CDKL2: variants seen among roughly 807,000 people sequenced by gnomAD.
The protein encoded by CDKL2 is cyclin-dependent kinase-like 2.
In CDKL2, 64 loss-of-function variants were observed where a neutral mutation model predicts 63.9. The observed-to-expected ratio is 1.00, with a 90% CI of 0.82 to 1.23. The LOEUF is 1.23. Ranked by LOEUF, CDKL2 falls within the 50% of genes most tolerant of loss-of-function variation. The pLI, the probability that CDKL2 is intolerant of heterozygous loss-of-function variation, is 0.00. For synonymous variants in CDKL2, 211 were observed against 229.2 expected (o/e 0.92, Z 0.72); for missense variants, 656 against 668.0 (o/e 0.98, Z 0.20).
chr4:75,607,220 C>A lies in CDKL2; in HGVS notation c.505G>T (p.Ala169Ser), dbSNP rs753276912. ...ACATCACCAACCAATAGTTCTGGAG[C>A]TCTGTACCATCGGGTTGCCACATAA... is the stretch of plus-strand genomic sequence containing the variant. ...TDYVATRWYRAPELLVGDVKY... is the reference protein window; with the variant it reads ...TDYVATRWYRSPELLVGDVKY... Residue 169 changes from alanine to serine, a missense_variant, in exon 4 of 14, where the codon GCT becomes TCT. Physicochemically the swap from Ala to Ser is moderately conservative, Grantham distance 99. Coordinates refer to ENST00000307465, the MANE Select transcript of CDKL2 (RefSeq NM_001330724.2). 4 of 1,613,846 alleles carry A rather than the reference C, an allele frequency of 2.5e-6. No homozygotes were observed. The highest frequency in any genetic ancestry group is 8.5e-7 in the Non-Finnish European group (1 of 1,179,822).
chr4:75,577,215 C>A lies in CDKL2; in HGVS notation c.*1987G>T, dbSNP rs1728060509. On this transcript the variant is annotated 3_prime_UTR_variant, in exon 14 of 14. Coordinates refer to ENST00000307465, the MANE Select transcript of CDKL2 (RefSeq NM_001330724.2). The stretch of plus-strand genomic sequence containing the variant: ...ATTCCCTATTAGTGTGTGACTAAAT[C>A]ATATCCTTGCAAGAGAAACTAAATA... Among the ~76,000 whole-genome samples, 1 of 152,094 alleles carries A rather than the reference C, an allele frequency of 6.6e-6. No homozygotes were observed. The highest frequency in any genetic ancestry group is 2.4e-5 in the African/African-American group (1 of 41,426).
chr4:75,607,832 A>T (rs1729489811), intron 3 of CDKL2, among the ~76,000 whole-genome samples: 1 of 152,186 alleles, frequency 6.6e-6, no homozygotes, highest in South Asian at 2.1e-4. Flanking sequence ...TTTTTTTTTG[A>T]GACGGAGTCT....
At chr4:75,628,260 C>T (rs1376006938) in intron 1 of CDKL2, among the ~76,000 whole-genome samples, 2 of 151,554 alleles carry the variant, frequency 1.3e-5, no homozygotes, top group Middle Eastern at 6.9e-3. Flanking sequence ...GGACTACAGG[C>T]GCCTGCCACC....
In CDKL2 at chr4:75,586,283, T is replaced by C. The variant is rs574959564; in HGVS notation, c.1648-4385A>G. 7.7e-4 allele frequency among the ~76,000 whole-genome samples: 117 copies of C among 151,808 alleles called. 1 individual carries two copies. Among genetic ancestry groups the C allele is most frequent in the Non-Finnish European group, 2.6e-4 (18 of 67,954 alleles). On this transcript the variant is annotated intron_variant, in intron 12 of 13. Transcript: ENST00000307465. ...ATCTGTCACCCAGGCTGGAGTGCAG[T>C]GGCACCATCTTGGCTCACTGCAAGC...
intron 6 of CDKL2, among the ~76,000 whole-genome samples, chr4:75,601,990 G>T (rs6826947): frequency 0.4 from 61,201 of 151,964 alleles, 13,086 homozygotes; most frequent in African/African-American, 0.51. Context: ...CCCCAAAAAG[G>T]TCAAATTTTA....
chr4:75,582,575 T>C (rs1728308908), intron 12 of CDKL2, among the ~76,000 whole-genome samples: 1 of 151,964 alleles, frequency 6.6e-6, no homozygotes, highest in Non-Finnish European at 1.5e-5. Flanking sequence ...TACATATCAT[T>C]AGACTCTCAG....
intron 10 of CDKL2, among the ~76,000 whole-genome samples, chr4:75,592,470 TA>T (rs1728759711): frequency 6.6e-6 from 1 of 152,226 alleles, no homozygotes; most frequent in South Asian, 2.1e-4. Flanking sequence ...TTAAAATTGC[TA>T]ACAAGTAGAT....
At chr4:75,598,447 T>C (rs944687090) in intron 7 of CDKL2, among the ~76,000 whole-genome samples, 1 of 152,092 alleles carries the variant, frequency 6.6e-6, no homozygotes, top group Non-Finnish European at 1.5e-5. Context: ...AACATAAAGA[T>C]GTTTGTCTTT....
At chr4:75,616,653 T>G (rs1015257112) in intron 2 of CDKL2, among the ~76,000 whole-genome samples, 1 of 148,956 alleles carries the variant, frequency 6.7e-6, no homozygotes, top group Non-Finnish European at 1.5e-5. Flanking sequence ...TGAGCTAAGA[T>G]TGCACCACTG....
At chr4:75,586,897 C>T (rs958733491) in intron 12 of CDKL2, among the ~76,000 whole-genome samples, 2 of 151,970 alleles carry the variant, frequency 1.3e-5, no homozygotes, top group African/African-American at 4.8e-5. Flanking sequence ...AACTAAGTGA[C>T]CAAGTGATGG....
chr4:75,628,569 A>AT (rs1468490826), intron 1 of CDKL2, among the ~76,000 whole-genome samples: 1 of 152,204 alleles, frequency 6.6e-6, no homozygotes. Flanking sequence ...ATACAGATAG[A>AT]TTTTAACTAT....
At chr4:75,584,053 T>C (rs1307946662) in intron 12 of CDKL2, among the ~76,000 whole-genome samples, 1 of 152,236 alleles carries the variant, frequency 6.6e-6, no homozygotes, top group Non-Finnish European at 1.5e-5. Context: ...CAAACTAATT[T>C]CAGTACCGAT....
intron 13 of CDKL2, among the ~76,000 whole-genome samples, chr4:75,580,579 A>C (rs1728216675): frequency 6.7e-6 from 1 of 149,896 alleles, no homozygotes; most frequent in African/African-American, 2.5e-5. Flanking sequence ...GGGTGGGAGG[A>C]TCGCTTCAGC....
chr4:75,596,250 T>C lies in CDKL2; in HGVS notation c.1413A>G (p.Thr471=), dbSNP rs1728927689. The part of the protein sequence containing the change: ...PSGIYNINVT[T]LVSSEKNLFW... ...CTACTGAGAACTGCTTACTTACTAA[T>C]GTGGTCACATTAATGTTATAAATGC... The change falls in exon 10 of 14, where the codon ACA becomes ACG. Residue 471 remains threonine (T), a synonymous_variant. Coordinates refer to ENST00000307465, the MANE Select transcript of CDKL2 (RefSeq NM_001330724.2). The C allele has an allele frequency of 6.3e-7, 1 of 1,578,470 alleles. No individual in the cohort carries two copies. The highest frequency in any genetic ancestry group is 8.7e-7 in the Non-Finnish European group (1 of 1,147,584).
chr4:75,611,323 G>A (rs1729681507), intron 3 of CDKL2, among the ~76,000 whole-genome samples: 2 of 152,058 alleles, frequency 1.3e-5, no homozygotes, highest in African/African-American at 4.8e-5. Context: ...GCCAGGCATG[G>A]TGGTGCACAC....
chr4:75,578,135 G>C lies in CDKL2; in HGVS notation c.*1067C>G, dbSNP rs1276640503. ...TATTCCTCCCACCTAAAAAGTTTTG[G>C]ATCCATGCATTGGAAAAGATGTGTG... On this transcript the variant is annotated 3_prime_UTR_variant, in exon 14 of 14. Transcript: ENST00000307465. 6.6e-6 allele frequency: 1 copy of C among 152,070 alleles called. No homozygotes were observed. Among genetic ancestry groups the C allele is most frequent in the East Asian group, 1.9e-4 (1 of 5,188 alleles). 9.4% of individuals were successfully genotyped at this position (152,070 alleles called of 1,614,324 possible). A position where few individuals can be genotyped will look rare whatever the true frequency, so the allele number is the denominator to read the frequency against.
chr4:75,591,841 G>T lies in CDKL2; in HGVS notation c.1625C>A (p.Thr542Asn). 2.6e-6 allele frequency: 4 copies of T among 1,535,258 alleles called. No individual in the cohort carries two copies. Among genetic ancestry groups the T allele is most frequent in the Non-Finnish European group, 3.5e-6 (4 of 1,146,228 alleles). Reference protein sequence around the residue: ...IPSLAAIDLHTPSITLHQVSG... With the variant: ...IPSLAAIDLHNPSITLHQVSG... Reference sequence around the variant, plus strand: ...TACCTGATGTAATGTAATACTGGGGGTGTGCAGGTCAATAGCAGCCAGAGA... The same window carrying T: ...TACCTGATGTAATGTAATACTGGGGTTGTGCAGGTCAATAGCAGCCAGAGA... The change falls in exon 12 of 14, where the codon ACC becomes AAC. Residue 542 changes from threonine (T) to asparagine (N), a missense_variant. Physicochemically the swap from Thr to Asn is moderately conservative, Grantham distance 65 (BLOSUM62 0). Coordinates refer to ENST00000307465, the MANE Select transcript of CDKL2 (RefSeq NM_001330724.2).
At chr4:75,579,949 T>G (rs1728188046) in intron 13 of CDKL2, among the ~76,000 whole-genome samples, 1 of 152,198 alleles carries the variant, frequency 6.6e-6, no homozygotes, top group African/African-American at 2.4e-5. Flanking sequence ...CTCAAAATGC[T>G]TTGTAAAGGT....
chr4:75,625,645 A>G (rs897131706), intron 2 of CDKL2, among the ~76,000 whole-genome samples, 176 bp downstream of exon 2: 2 of 152,240 alleles, frequency 1.3e-5, no homozygotes, highest in Non-Finnish European at 2.9e-5. Flanking sequence ...CACAGACTAT[A>G]GATAGATGAT....
Sources: gnomAD v4.1 joint callset for allele counts (sites outside exome capture counted in the v4.1 genomes callset) on GRCh38, gnomAD v4.1.1 for gene constraint, MANE v1.5 for transcripts, NCBI Gene and HGNC (gene_info 2026-07-23, HGNC 2026-07-21) for gene names.